AGO2: variants seen among roughly 807,000 people sequenced by gnomAD.
The protein encoded by AGO2 is argonaute RISC catalytic component 2, also known as protein argonaute-2.
In AGO2, 5 loss-of-function variants were observed where a neutral mutation model predicts 102.3. The ratio of observed to expected loss-of-function variants is 0.05; its 90% CI spans 0.03 to 0.10. AGO2 has a LOEUF of 0.10. Among genes scored for constraint, AGO2 ranks in the 10% least tolerant of loss-of-function variants. The probability of loss-of-function intolerance (pLI) is 1.00; values close to 1 mark genes in which losing one functional copy is unlikely to be tolerated. For synonymous variants in AGO2, 449 were observed against 473.1 expected, an observed-to-expected ratio of 0.95 and a Z score of 0.66; for missense variants, 541 against 1,183.7, an observed-to-expected ratio of 0.46 and a Z score of 7.97.
In AGO2 at chr8:140,531,975, T is replaced by C. The variant is rs896124257; in HGVS notation, c.*69A>G. On this transcript the variant is annotated 3_prime_UTR_variant, in exon 19 of 19. Transcript: ENST00000220592. ...CTGGCTGTCACGGAAGGGCTGGCCA[T>C]CTGTTGGTCTGAGTGTAGCTGGTCT... The C allele has an allele frequency of 1.5e-6, 2 of 1,340,588 alleles. No homozygotes were observed. Among genetic ancestry groups the C allele is most frequent in the Non-Finnish European group, 2.1e-6 (2 of 937,042 alleles). The allele number at this position is 1,340,588 out of a possible 1,614,324, so 83.0% of individuals were successfully genotyped here. A position where few individuals can be genotyped will look rare whatever the true frequency, so the allele number is the denominator to read the frequency against.
chr8:140,549,553 A>C (rs920758461), intron 11 of AGO2, among the ~76,000 whole-genome samples: 2 of 152,254 alleles, frequency 1.3e-5, no homozygotes, highest in African/African-American at 4.8e-5. Flanking sequence ...CATGCGGCTA[A>C]CTTGCCACCG....
At chr8:140,588,783 C>T (rs1490007479) in intron 1 of AGO2, among the ~76,000 whole-genome samples, 1 of 152,268 alleles carries the variant, frequency 6.6e-6, no homozygotes, top group African/African-American at 2.4e-5. Context: ...GGGCCCAGGG[C>T]TGGCGGGCCC....
intron 1 of AGO2, among the ~76,000 whole-genome samples, chr8:140,612,148 G>A (rs1029682445): frequency 6.9e-5 from 10 of 144,822 alleles, no homozygotes; most frequent in Non-Finnish European, 1.0e-4. Flanking sequence ...GCTTGAACCT[G>A]AGAGGCGGAG....
intron 17 of AGO2, among the ~76,000 whole-genome samples, chr8:140,534,391 C>T (rs1295363303): frequency 2.6e-5 from 4 of 152,222 alleles, no homozygotes; most frequent in Non-Finnish European, 4.4e-5. Flanking sequence ...AGAGGGCACA[C>T]GCAGGCAGGG....
At chr8:140,588,366 A>T (rs2073690461) in intron 1 of AGO2, among the ~76,000 whole-genome samples, 1 of 152,202 alleles carries the variant, frequency 6.6e-6, no homozygotes, top group South Asian at 2.1e-4. Context: ...TTGGTGTCCC[A>T]GTGCATACAA....
rs1564070193 is a variant in AGO2 at position 140,532,619 on chromosome 8, A to G, written c.2272-4T>C. On this transcript the variant is annotated splice_region_variant and splice_polypyrimidine_tract_variant and intron_variant, in intron 17 of 18. Coordinates refer to ENST00000220592, the MANE Select transcript of AGO2 (RefSeq NM_012154.5). ...AGTGCGAAGGCCTGCTTGTCCCCTA[A>G]AGCAGATCAGAAGATTAGACAGTTG... The G allele has an allele frequency of 2.5e-6, 4 of 1,613,936 alleles. No homozygotes were observed. Among genetic ancestry groups the G allele is most frequent in the Non-Finnish European group, 3.4e-6 (4 of 1,179,932 alleles).
chr8:140,556,899 C>T (rs2073105239), intron 8 of AGO2, among the ~76,000 whole-genome samples, 190 bp downstream of exon 8: 2 of 152,198 alleles, frequency 1.3e-5, no homozygotes, highest in Admixed American at 1.3e-4. Context: ...AAGAGAGCTG[C>T]AGACCCCATT....
At chr8:140,538,123 T>C (rs906415850) in intron 16 of AGO2, among the ~76,000 whole-genome samples, 8 of 152,220 alleles carry the variant, frequency 5.3e-5, no homozygotes, top group African/African-American at 1.9e-4. Flanking sequence ...CCTGGCCTGG[T>C]GAATGATTCC....
intron 1 of AGO2, among the ~76,000 whole-genome samples, chr8:140,619,619 G>A (rs1183000459): frequency 6.6e-6 from 1 of 152,184 alleles, no homozygotes; most frequent in Non-Finnish European, 1.5e-5. Flanking sequence ...GGAAAGCAGC[G>A]ATCCGACTGC....
At chr8:140,573,153 C>T (rs575973283) in intron 2 of AGO2, among the ~76,000 whole-genome samples, 1 of 151,658 alleles carries the variant, frequency 6.6e-6, no homozygotes, top group African/African-American at 2.4e-5. Context: ...GGGATTAACG[C>T]CACCACGCCC....
chr8:140,640,058 G>T (rs1392619005), upstream of AGO2, among the ~76,000 whole-genome samples: 1 of 152,088 alleles, frequency 6.6e-6, no homozygotes, highest in African/African-American at 2.4e-5. Flanking sequence ...TCCTAGGCTG[G>T]AGAGCAGTGG....
intron 3 of AGO2, among the ~76,000 whole-genome samples, chr8:140,570,884 G>A (rs949162279): frequency 6.6e-6 from 1 of 152,030 alleles, no homozygotes; most frequent in Non-Finnish European, 1.5e-5. Context: ...CCATATAGAC[G>A]CCCTCAGCCC....
At chr8:140,574,020 G>T (rs898953375) in intron 2 of AGO2, among the ~76,000 whole-genome samples, 4 of 152,180 alleles carry the variant, frequency 2.6e-5, no homozygotes, top group Non-Finnish European at 4.4e-5. Context: ...TGCTGGGAGA[G>T]ACTGGGGTTT....
chr8:140,535,356 T>C, intron 17 of AGO2, 112 bp downstream of exon 17: 1 of 1,131,658 alleles, frequency 8.8e-7, no homozygotes, highest in Non-Finnish European at 1.3e-6. Context: ...ACTGCCTGTG[T>C]GGGCCCCTCA....
At chr8:140,632,300 T>C (rs2074352174) in intron 1 of AGO2, among the ~76,000 whole-genome samples, 1 of 152,248 alleles carries the variant, frequency 6.6e-6, no homozygotes, top group Admixed American at 6.5e-5. Context: ...CGCGATGGCC[T>C]CGGCCATGTC....
chr8:140,559,790 G>A (rs1310386236), intron 5 of AGO2, among the ~76,000 whole-genome samples: 2 of 152,246 alleles, frequency 1.3e-5, no homozygotes, highest in African/African-American at 4.8e-5. Context: ...GTCACCCTCC[G>A]AGAATGAAGC....
Position 140,540,176 on chromosome 8 carries a change from G to A in AGO2, c.2035-722C>T, listed in dbSNP as rs765051346. ...CAGCCAGAAGTGCTGGCCGGTCAAG[G>A]TGTATCCATTCTGTCCTCCCAGGAG... On this transcript the variant is annotated intron_variant, in intron 15 of 18. Coordinates refer to ENST00000220592, the MANE Select transcript of AGO2 (RefSeq NM_012154.5). The surrounding 1 kb of genome is among the most constrained non-coding windows in gnomAD (Gnocchi z 5.0). Among the ~76,000 whole-genome samples the A allele has an allele frequency of 6.6e-6, 1 of 152,196 alleles. No homozygotes were observed. The highest frequency in any genetic ancestry group is 1.5e-5 in the Non-Finnish European group (1 of 68,022).
chr8:140,555,688 T>C, intron 10 of AGO2: 1 of 671,862 alleles, frequency 1.5e-6, no homozygotes, highest in South Asian at 2.5e-5. Flanking sequence ...CTGAAAACAT[T>C]AAGGATAATT....
chr8:140,598,119 G>A (rs1274323860), intron 1 of AGO2, among the ~76,000 whole-genome samples: 1 of 152,224 alleles, frequency 6.6e-6, no homozygotes, highest in Non-Finnish European at 1.5e-5. Context: ...AAGAGGGACT[G>A]GGGTCCCACA....
Sources: gnomAD v4.1 joint callset for allele counts (sites outside exome capture counted in the v4.1 genomes callset) on GRCh38, gnomAD v4.1.1 for gene constraint, Gnocchi (gnomAD v3.1) non-coding constraint, MANE v1.5 for transcripts, NCBI Gene and HGNC (gene_info 2026-07-23, HGNC 2026-07-21) for gene names.